KCNMB2: variants seen among roughly 807,000 people sequenced by gnomAD.
The protein encoded by KCNMB2 is potassium calcium-activated channel subfamily M regulatory beta subunit 2, also known as calcium-activated potassium channel subunit beta-2.
Under a neutral mutation model 24.5 loss-of-function variants are expected in KCNMB2, and 9 were observed. The observed-to-expected ratio is 0.37, with a 90% CI of 0.22 to 0.64. KCNMB2 has a LOEUF of 0.64. Among genes scored for constraint, KCNMB2 ranks in the 30% least tolerant of loss-of-function variants. KCNMB2 has a pLI of 0.63. For synonymous variants in KCNMB2, 109 were observed against 104.4 expected (o/e 1.04, Z -0.27); for missense variants, 226 against 284.3 (o/e 0.79, Z 1.47).
At chr3:178,594,641 AG>A (rs1253548369) in intron 1 of KCNMB2, among the ~76,000 whole-genome samples, 1 of 152,172 alleles carries the variant, frequency 6.6e-6, no homozygotes, top group Non-Finnish European at 1.5e-5. Flanking sequence ...CACTCAAGTC[AG>A]GATGCCTTGT....
intron 1 of KCNMB2, among the ~76,000 whole-genome samples, chr3:178,631,485 G>T (rs1428028061): frequency 1.3e-5 from 2 of 152,256 alleles, no homozygotes; most frequent in Middle Eastern, 3.2e-3. Context: ...CGCCTATGCG[G>T]CTGGCATTCC....
At chr3:178,610,182 T>C (rs1272834784) in intron 1 of KCNMB2, among the ~76,000 whole-genome samples, 3 of 152,254 alleles carry the variant, frequency 2.0e-5, no homozygotes, top group Non-Finnish European at 4.4e-5. Context: ...ACTGTAGCTC[T>C]GTAGTATACT....
At chr3:178,828,067 G>A in intron 3 of KCNMB2, 111 bp from the exon 4 acceptor site, 1 of 836,616 alleles carries the variant, frequency 1.2e-6, no homozygotes, top group Non-Finnish European at 1.9e-6. Context: ...TCATATTAGA[G>A]ATTTAGAAAA....
chr3:178,636,045 G>T (rs1719508980), intron 1 of KCNMB2, among the ~76,000 whole-genome samples: 1 of 152,126 alleles, frequency 6.6e-6, no homozygotes, highest in Non-Finnish European at 1.5e-5. Context: ...AAGTAATTTT[G>T]AACTTTGATT....
intron 1 of KCNMB2, among the ~76,000 whole-genome samples, chr3:178,671,539 C>T (rs1720899614): frequency 6.6e-6 from 1 of 152,088 alleles, no homozygotes; most frequent in African/African-American, 2.4e-5. Context: ...GAGCGGCAAG[C>T]TCTGAGCTTA....
chr3:178,805,106 G>A (rs1713913104), intron 1 of KCNMB2, among the ~76,000 whole-genome samples: 1 of 152,182 alleles, frequency 6.6e-6, no homozygotes, highest in African/African-American at 2.4e-5. Flanking sequence ...CCATTCAGGT[G>A]AATCCTTTGA....
chr3:178,827,741 G>C (rs181151077), intron 3 of KCNMB2, among the ~76,000 whole-genome samples: 81 of 152,214 alleles, frequency 5.3e-4, no homozygotes, highest in African/African-American at 1.9e-3. Context: ...CACACCTTCT[G>C]TGCCTACAAA....
At chr3:178,673,373 A>G (rs1006964526) in intron 1 of KCNMB2, among the ~76,000 whole-genome samples, 3 of 152,106 alleles carry the variant, frequency 2.0e-5, no homozygotes, top group East Asian at 1.9e-4. Flanking sequence ...TTCTATTCAT[A>G]TCTCATTATT....
intron 1 of KCNMB2, among the ~76,000 whole-genome samples, chr3:178,606,096 G>A (rs937267239): frequency 6.6e-6 from 1 of 152,190 alleles, no homozygotes; most frequent in Non-Finnish European, 1.5e-5. Context: ...AGATAGGAAG[G>A]AATGAAGGGA....
chr3:178,800,671 T>C lies in KCNMB2; in HGVS notation c.-67-6672T>C, dbSNP rs533061741. On this transcript the variant is annotated intron_variant, in intron 1 of 4. Coordinates refer to ENST00000452583, the MANE Select transcript of KCNMB2 (RefSeq NM_181361.3). ...CTACCATATAATCCAGCAATCCCAC[T>C]GCTAGATAAACCCAAAAGAATGCAA... 4.5e-4 allele frequency among the ~76,000 whole-genome samples: 69 copies of C among 152,264 alleles called. 1 individual carries two copies. The highest frequency in any genetic ancestry group is 1.7e-3 in the African/African-American group (69 of 41,582).
chr3:178,708,269 C>T (rs1246208509), intron 1 of KCNMB2, among the ~76,000 whole-genome samples: 1 of 152,010 alleles, frequency 6.6e-6, no homozygotes, highest in Admixed American at 6.6e-5. Context: ...AGAACAGGGA[C>T]CATGGTTTAT....
intron 1 of KCNMB2, among the ~76,000 whole-genome samples, chr3:178,554,135 G>T (rs376047409): frequency 1.4e-4 from 21 of 151,948 alleles, no homozygotes; most frequent in Admixed American, 1.0e-3. Context: ...GGAAAATGAG[G>T]CACAGAAAAG....
intron 1 of KCNMB2, among the ~76,000 whole-genome samples, chr3:178,790,698 TG>T (rs1349787774): frequency 6.6e-6 from 1 of 152,184 alleles, no homozygotes; most frequent in Non-Finnish European, 1.5e-5. Flanking sequence ...GCAGTCCCAG[TG>T]GTGGTGGCCA....
intron 1 of KCNMB2, among the ~76,000 whole-genome samples, chr3:178,635,366 G>T (rs910803320): frequency 9.9e-5 from 15 of 151,148 alleles, no homozygotes; most frequent in African/African-American, 3.7e-4. Flanking sequence ...CAGGATTCTT[G>T]TTTGCAATAA....
At chr3:178,747,966 A>T (rs994226402) in intron 1 of KCNMB2, among the ~76,000 whole-genome samples, 1 of 152,238 alleles carries the variant, frequency 6.6e-6, no homozygotes, top group Non-Finnish European at 1.5e-5. Flanking sequence ...CAGCAATATG[A>T]TTGACATTTC....
At chr3:178,709,270 CA>C (rs1329148009) in intron 1 of KCNMB2, among the ~76,000 whole-genome samples, 1 of 152,274 alleles carries the variant, frequency 6.6e-6, no homozygotes, top group Admixed American at 6.5e-5. Flanking sequence ...GAACGCGAAA[CA>C]GAAAATGTAC....
intron 1 of KCNMB2, among the ~76,000 whole-genome samples, chr3:178,602,417 G>A (rs940997551): frequency 4.6e-5 from 7 of 151,940 alleles, no homozygotes; most frequent in African/African-American, 1.7e-4. Flanking sequence ...GAATAAACAC[G>A]GTCCAAATCC....
intron 1 of KCNMB2, among the ~76,000 whole-genome samples, chr3:178,586,473 A>AT (rs1717431008): frequency 7.1e-6 from 1 of 140,262 alleles, no homozygotes; most frequent in South Asian, 2.2e-4. Context: ...GCCTGTCATA[A>AT]TTTTTTTTCA....
chr3:178,613,894 C>T (rs906941828), intron 1 of KCNMB2, among the ~76,000 whole-genome samples: 6 of 151,904 alleles, frequency 3.9e-5, no homozygotes, highest in Middle Eastern at 3.2e-3. Context: ...TGTTATTATC[C>T]GTTTGAATAA....
Sources: allele counts gnomAD v4.1 joint callset (sites outside exome capture counted in the v4.1 genomes callset), GRCh38; gene constraint gnomAD v4.1.1; transcripts MANE v1.5; gene names NCBI Gene and HGNC (gene_info 2026-07-23, HGNC 2026-07-21).